The following FAM240C variants were observed in gnomAD, a reference collection of about 807,000 sequenced individuals.
The protein encoded by FAM240C is protein FAM240C.
A neutral mutation model predicts 10.0 loss-of-function variants in FAM240C; 14 were observed. The observed-to-expected ratio is 1.40, with a 90% confidence interval of 0.92 to 2.19. The LOEUF is 2.19. Among genes scored for constraint, FAM240C ranks in the 30% most tolerant of loss-of-function variants. The pLI is 0.00. For missense variants in FAM240C, 154 were observed against 122.3 expected (o/e 1.26, Z -1.22); for synonymous variants, 49 against 44.3 (o/e 1.11, Z -0.42).
At chr2:241,900,700 C>T (rs1420354391), upstream of FAM240C, among the ~76,000 whole-genome samples, 1 of 150,204 alleles carries the variant, frequency 6.7e-6, no homozygotes, top group Non-Finnish European at 1.5e-5. The surrounding 1 kb of genome is among the most constrained non-coding windows in gnomAD (Gnocchi z 4.5). Context: ...GGAGCATTGT[C>T]TGGGGAGGGG....
At chr2:241,898,989 C>T in intron 1 of FAM240C, 4 of 654,630 alleles carry the variant, frequency 6.1e-6, no homozygotes, top group Non-Finnish European at 1.0e-5. Context: ...GCCTTGGAGG[C>T]ATTTCTCTTT....
intron 2 of FAM240C, among the ~76,000 whole-genome samples, chr2:241,896,532 GGGGTGTGGGTGTTGGGGTGTGTGTGTT>G (rs1701812487): frequency 1.4e-4 from 17 of 124,120 alleles, no homozygotes; most frequent in South Asian, 2.4e-4. Flanking sequence ...TGTGGGTGTT[GGGGTGTGGGTGTTGGGGTGTGTGTGTT>G]GGGGTGTGGG....
chr2:241,897,515 T>C (rs1701881848), intron 1 of FAM240C, among the ~76,000 whole-genome samples, 181 bp from the exon 2 acceptor site: 1 of 152,184 alleles, frequency 6.6e-6, no homozygotes. Flanking sequence ...AGGTGGCTCC[T>C]GACCGGCTCC....
chr2:241,901,431 A>G (rs74003906), upstream of FAM240C, among the ~76,000 whole-genome samples: 1,260 of 152,282 alleles, frequency 8.3e-3, 15 homozygotes, highest in African/African-American at 0.029. This position sits in a 1 kb window ranked among gnomAD's most constrained non-coding sequence, Gnocchi z 4.9. Flanking sequence ...TTCGTTTACT[A>G]TCATAAAGCA....
rs1381412879 is a variant in FAM240C at position 241,900,363 on chromosome 2, C to T, written c.7G>A (p.Gly3Arg). 1.1e-5 allele frequency: 8 copies of T among 717,172 alleles called. No individual in the cohort carries two copies. In the East Asian group the frequency reaches 1.9e-4, roughly 17 times the overall value. 44.4% of individuals were successfully genotyped at this position (717,172 alleles called of 1,614,324 possible). ...TCACATCACAGAGAGCTTACTTTTC[C>T]AACCATTTCTCAGTGACGGGCAGGT... MVGKNMSKSLTLK... is the reference protein window; with the variant it reads MVRKNMSKSLTLK... The change falls in exon 1 of 3, where the codon GGA becomes AGA. Residue 3 changes from glycine (G) to arginine (R), a missense_variant. Physicochemically the swap from Gly to Arg is moderately radical, Grantham distance 125. Coordinates refer to ENST00000404031, the MANE Select transcript of FAM240C (RefSeq NM_001382368.1). The surrounding 1 kb of genome is among the most constrained non-coding windows in gnomAD (Gnocchi z 4.5).
At chr2:241,897,804 C>T (rs1701889601) in intron 1 of FAM240C, among the ~76,000 whole-genome samples, 1 of 152,162 alleles carries the variant, frequency 6.6e-6, no homozygotes, top group South Asian at 2.1e-4. Flanking sequence ...GTGCGATCTC[C>T]CCTCACTGCA....
At chr2:241,901,519 A>C (rs1287037729), upstream of FAM240C, among the ~76,000 whole-genome samples, 2 of 151,634 alleles carry the variant, frequency 1.3e-5, no homozygotes, top group Non-Finnish European at 2.9e-5. This position sits in a 1 kb window ranked among gnomAD's most constrained non-coding sequence, Gnocchi z 4.9. Context: ...TCATCAGTGG[A>C]TTGGGAGCTG....
At chr2:241,897,075 G>A in intron 2 of FAM240C, 111 bp downstream of exon 2, 1 of 1,205,318 alleles carries the variant, frequency 8.3e-7, no homozygotes. Context: ...GTTTCATGGT[G>A]GGCTGAGGGC....
chr2:241,894,487 C>T, intron 2 of FAM240C, 148 bp from the exon 3 acceptor site: 1 of 876,346 alleles, frequency 1.1e-6, no homozygotes, highest in Non-Finnish European at 1.6e-6. Context: ...CATCCCTGCC[C>T]AGCCAGCAGC....
In FAM240C at chr2:241,894,165, C is replaced by T; in HGVS notation, c.*48G>A. The T allele has an allele frequency of 6.5e-7, 1 of 1,527,416 alleles. No homozygotes were observed. The highest frequency in any genetic ancestry group is 8.9e-7 in the Non-Finnish European group (1 of 1,129,730). The allele number at this position is 1,527,416 out of a possible 1,614,324, so 94.6% of individuals were successfully genotyped here. A position where few individuals can be genotyped will look rare whatever the true frequency, so the allele number is the denominator to read the frequency against. The stretch of plus-strand genomic sequence containing the variant: ...TTGGACCCCACGCGTGGTGTTCCTT[C>T]TCCATGACCCTCCGGAAGCTCATGC... On this transcript the variant is annotated 3_prime_UTR_variant, in exon 3 of 3. Transcript: ENST00000404031.
At chr2:241,894,374 A>C in intron 2 of FAM240C, 35 bp from the exon 3 acceptor site, 1 of 1,524,136 alleles carries the variant, frequency 6.6e-7, no homozygotes, top group East Asian at 2.5e-5. Flanking sequence ...ATTGTGAGTC[A>C]AGCTCTCGGA....
intron 2 of FAM240C, among the ~76,000 whole-genome samples, chr2:241,896,880 G>A (rs1166465922): frequency 6.7e-6 from 1 of 150,342 alleles, no homozygotes; most frequent in East Asian, 2.0e-4. Flanking sequence ...GGGGTGAATT[G>A]TCCGTGGGCA....
At chr2:241,896,925 A>T (rs1294146256) in intron 2 of FAM240C, among the ~76,000 whole-genome samples, 1 of 151,534 alleles carries the variant, frequency 6.6e-6, no homozygotes, top group East Asian at 1.9e-4. Context: ...GTGATGTTTG[A>T]TCTGAGCTCC....
At chr2:241,902,012 G>A (rs1701993976), upstream of FAM240C, among the ~76,000 whole-genome samples, 1 of 152,220 alleles carries the variant, frequency 6.6e-6, no homozygotes, top group Admixed American at 6.5e-5. The surrounding 1 kb of genome is among the most constrained non-coding windows in gnomAD (Gnocchi z 7.1). Context: ...GAGCAGCAAG[G>A]CGGCAGGGAG....
chr2:241,897,926 G>C (rs1175962368), intron 1 of FAM240C, among the ~76,000 whole-genome samples: 1 of 152,138 alleles, frequency 6.6e-6, no homozygotes, highest in Non-Finnish European at 1.5e-5. Flanking sequence ...GTAGAGATTG[G>C]GTCTCACTAT....
At chr2:241,898,980 C>T in intron 1 of FAM240C, 1 of 610,614 alleles carries the variant, frequency 1.6e-6, no homozygotes, top group South Asian at 1.5e-5. Context: ...CCTTGCTTGG[C>T]CTTGGAGGCA....
At chr2:241,896,488 GGGGGTGTGGGT>G (rs146650996) in intron 2 of FAM240C, among the ~76,000 whole-genome samples, 1 of 55,348 alleles carries the variant, frequency 1.8e-5, no homozygotes, top group African/African-American at 6.2e-5. Context: ...GGCGGGGGAA[GGGGGTGTGGGT>G]GAAGGGGGTG....
chr2:241,894,194 G>C lies in FAM240C; in HGVS notation c.*19C>G. 1.3e-6 allele frequency: 2 copies of C among 1,547,578 alleles called. No homozygotes were observed. The highest frequency in any genetic ancestry group is 1.7e-6 in the Non-Finnish European group (2 of 1,144,910). ...ATGACCCTCCGGAAGCTCATGCAGA[G>C]TCTGGAGCTCGTGGGCCCTCAGGCC... On this transcript the variant is annotated 3_prime_UTR_variant, in exon 3 of 3. Coordinates refer to ENST00000404031, the MANE Select transcript of FAM240C (RefSeq NM_001382368.1).
Position 241,897,348 on chromosome 2 carries a change from A to C in FAM240C, c.13-14T>G, listed in dbSNP as rs1263957427. ...TTTACTCATGTTCTGGAAAATAAAA[A>C]GTGGAGAAGAGCTCAGTCACCTTAT... On this transcript the variant is annotated splice_polypyrimidine_tract_variant and intron_variant, in intron 1 of 2. Coordinates refer to ENST00000404031, the MANE Select transcript of FAM240C (RefSeq NM_001382368.1). The C allele has an allele frequency of 5.8e-6, 9 of 1,548,894 alleles. No individual in the cohort carries two copies. In the East Asian group the frequency reaches 2.2e-4, roughly 38 times the overall value.
Sources: gnomAD v4.1 joint callset for allele counts (sites outside exome capture counted in the v4.1 genomes callset) on GRCh38, gnomAD v4.1.1 for gene constraint, Gnocchi (gnomAD v3.1) non-coding constraint, MANE v1.5 for transcripts, NCBI Gene and HGNC (gene_info 2026-07-23, HGNC 2026-07-21) for gene names.